SHISA9: variants seen among roughly 807,000 people sequenced by gnomAD.
SHISA9 encodes the protein shisa family member 9, also known as protein shisa-9.
A neutral mutation model predicts 38.0 loss-of-function variants in SHISA9; 13 were observed. That is an observed-to-expected ratio of 0.34 (90% CI 0.22 to 0.54). The LOEUF is 0.54. Among genes scored for constraint, SHISA9 ranks in the 20% least tolerant of loss-of-function variants. The probability of loss-of-function intolerance (pLI) is 0.91; values close to 1 mark genes in which losing one functional copy is unlikely to be tolerated. For synonymous variants in SHISA9, 275 were observed against 242.0 expected, an observed-to-expected ratio of 1.14 and a Z score of -1.27; for missense variants, 538 against 575.8, an observed-to-expected ratio of 0.93 and a Z score of 0.67.
chr16:13,318,708 A>G, the SHISA9 span, among the ~76,000 whole-genome samples: 8 of 152,196 alleles, frequency 5.3e-5, no homozygotes, highest in African/African-American at 1.7e-4. Context: ...TCCAAGAGAA[A>G]CTAGCTGTCT....
the SHISA9 span, among the ~76,000 whole-genome samples, chr16:13,399,989 C>T: frequency 6.6e-6 from 1 of 152,218 alleles, no homozygotes; most frequent in African/African-American, 2.4e-5. Context: ...CCAATGCTTT[C>T]AAGCGTATCA....
At chr16:13,321,317 C>T in the SHISA9 span, among the ~76,000 whole-genome samples, 1 of 152,154 alleles carries the variant, frequency 6.6e-6, no homozygotes, top group Non-Finnish European at 1.5e-5. Context: ...GAACACAGAG[C>T]CGGTGACAAA....
intron 2 of SHISA9, among the ~76,000 whole-genome samples, chr16:13,171,527 C>A (rs896963089): frequency 6.6e-6 from 1 of 151,884 alleles, no homozygotes; most frequent in Non-Finnish European, 1.5e-5. Context: ...TTTCTTGAAG[C>A]TGACATGAAG....
In SHISA9 at chr16:13,193,849, C is replaced by T. The variant is rs531974447; in HGVS notation, c.692-9545C>T. Among the ~76,000 whole-genome samples, 4 of 152,284 alleles carry T rather than the reference C, an allele frequency of 2.6e-5. No homozygotes were observed. In the South Asian group the frequency reaches 8.3e-4, roughly 32 times the overall value. On this transcript the variant is annotated intron_variant, in intron 2 of 4. Transcript: ENST00000558583. ...TCTCAGAGTTATTGGGGAGTGCCAA[C>T]CAGGCAACCTTTTGGTTAGATTATA... is the stretch of plus-strand genomic sequence containing the variant.
chr16:13,545,733 C>A, the SHISA9 span, among the ~76,000 whole-genome samples: 2 of 152,238 alleles, frequency 1.3e-5, no homozygotes, highest in South Asian at 4.1e-4. Flanking sequence ...GAGTTCTGAC[C>A]TGCTCAGGAT....
the SHISA9 span, among the ~76,000 whole-genome samples, chr16:13,393,116 C>T: frequency 6.6e-6 from 1 of 152,146 alleles, no homozygotes; most frequent in Non-Finnish European, 1.5e-5. Context: ...ATCAGCTGGC[C>T]CCATTCCAAA....
intron 2 of SHISA9, among the ~76,000 whole-genome samples, chr16:13,092,299 A>C (rs2073783035): frequency 1.3e-5 from 2 of 152,194 alleles, no homozygotes; most frequent in South Asian, 4.1e-4. Context: ...TTGAGGATGC[A>C]GTCTGTCTGT....
At chr16:13,097,443 G>A (rs2073839269) in intron 2 of SHISA9, among the ~76,000 whole-genome samples, 1 of 151,524 alleles carries the variant, frequency 6.6e-6, no homozygotes, top group South Asian at 2.1e-4. Flanking sequence ...TTTGAGTGGG[G>A]TTTTGCTTTG....
intron 2 of SHISA9, among the ~76,000 whole-genome samples, chr16:12,942,156 A>AGGGAT (rs2071620133): frequency 6.6e-6 from 1 of 152,208 alleles, no homozygotes; most frequent in Non-Finnish European, 1.5e-5. Context: ...TGTGGAGGAC[A>AGGGAT]GTTCTTGACA....
chr16:13,103,635 C>T (rs1285021090), intron 2 of SHISA9, among the ~76,000 whole-genome samples: 1 of 152,226 alleles, frequency 6.6e-6, no homozygotes, highest in Non-Finnish European at 1.5e-5. Context: ...TGGCTCTTAT[C>T]TTCATTCACA....
chr16:13,473,523 A>C, the SHISA9 span, among the ~76,000 whole-genome samples: 1 of 151,090 alleles, frequency 6.6e-6, no homozygotes, highest in Admixed American at 6.6e-5. Context: ...ACTGAGTTGA[A>C]TAATTGATTT....
At chr16:13,327,897 G>T in the SHISA9 span, among the ~76,000 whole-genome samples, 1 of 152,040 alleles carries the variant, frequency 6.6e-6, no homozygotes, top group Non-Finnish European at 1.5e-5. Context: ...GACCTGGAGT[G>T]ATCCACCCAC....
chr16:13,233,335 C>A (rs1011920828), intron 4 of SHISA9, among the ~76,000 whole-genome samples: 1 of 148,468 alleles, frequency 6.7e-6, no homozygotes, highest in African/African-American at 2.5e-5. Context: ...GGAAGGAATC[C>A]TTCAATGCTG....
chr16:13,007,191 A>G (rs2072609178), intron 2 of SHISA9, among the ~76,000 whole-genome samples: 1 of 152,144 alleles, frequency 6.6e-6, no homozygotes, highest in Admixed American at 6.5e-5. Flanking sequence ...TCTGGACTTG[A>G]CATTCTATTA....
chr16:13,397,077 A>G, the SHISA9 span, among the ~76,000 whole-genome samples: 1 of 152,124 alleles, frequency 6.6e-6, no homozygotes, highest in African/African-American at 2.4e-5. Context: ...AAATGTATTT[A>G]CTCTTCCTTA....
intron 2 of SHISA9, among the ~76,000 whole-genome samples, chr16:13,023,957 G>T (rs979820367): frequency 6.6e-6 from 1 of 152,202 alleles, no homozygotes; most frequent in Non-Finnish European, 1.5e-5. Context: ...ACACATTGTA[G>T]GATATGATTT....
At chr16:12,945,908 G>A (rs528259601) in intron 2 of SHISA9, among the ~76,000 whole-genome samples, 1 of 152,210 alleles carries the variant, frequency 6.6e-6, no homozygotes, top group Non-Finnish European at 1.5e-5. Flanking sequence ...GAGGACAGGA[G>A]TTTGAGACTA....
At chr16:13,311,206 G>T in the SHISA9 span, among the ~76,000 whole-genome samples, 5 of 150,878 alleles carry the variant, frequency 3.3e-5, no homozygotes, top group African/African-American at 1.2e-4. Flanking sequence ...AAGGCTACCA[G>T]GTTTAGCAAA....
the SHISA9 span, among the ~76,000 whole-genome samples, chr16:13,514,070 C>T: frequency 6.6e-6 from 1 of 152,186 alleles, no homozygotes; most frequent in Non-Finnish European, 1.5e-5. Flanking sequence ...TCTCGGCTCA[C>T]TGCAACCTCT....
Sources: gnomAD v4.1 joint callset for allele counts (sites outside exome capture counted in the v4.1 genomes callset) on GRCh38, gnomAD v4.1.1 for gene constraint, MANE v1.5 for transcripts, NCBI Gene and HGNC (gene_info 2026-07-23, HGNC 2026-07-21) for gene names.